Variants in ADGRA3 observed in about 807,000 individuals in gnomAD.
ADGRA3 encodes adhesion G protein-coupled receptor A3.
In ADGRA3, 56 loss-of-function variants were observed where a neutral mutation model predicts 119.8. That is an observed-to-expected ratio of 0.47 (90% CI 0.38 to 0.58). ADGRA3 has a LOEUF of 0.58. Among genes scored for constraint, ADGRA3 ranks in the 20% least tolerant of loss-of-function variants. The pLI is 0.00. For synonymous variants in ADGRA3, 607 were observed against 623.8 expected, an observed-to-expected ratio of 0.97 and a Z score of 0.40; for missense variants, 1,516 against 1,649.0, an observed-to-expected ratio of 0.92 and a Z score of 1.40.
At chr4:22,421,995 G>T (rs1022530767) in intron 11 of ADGRA3, among the ~76,000 whole-genome samples, 11 of 151,066 alleles carry the variant, frequency 7.3e-5, no homozygotes, top group Non-Finnish European at 1.3e-4. Flanking sequence ...AGTTTTAAAG[G>T]AATTCAGGAA....
intron 2 of ADGRA3, among the ~76,000 whole-genome samples, chr4:22,469,179 G>T (rs144520442): frequency 5.6e-4 from 85 of 152,178 alleles, no homozygotes; most frequent in Non-Finnish European, 1.2e-3. Context: ...AGGTGTCCCT[G>T]CACACTCTAC....
Position 22,424,202 on chromosome 4 carries a change from C to T in ADGRA3, c.1594G>A (p.Val532Ile), listed in dbSNP as rs564893051. Residue 532 changes from valine (V) to isoleucine (I), a missense_variant, in exon 11 of 19, where the codon GTT becomes ATT. Coordinates refer to ENST00000334304, the MANE Select transcript of ADGRA3 (RefSeq NM_145290.4). ...AATGTTACACTTACTGTTGAATAAA[C>T]GTGAGCTCCACCGGCTAGCCGGTAG... The part of the protein sequence containing the change: ...ATYRLAGGAH[V>I]YSTYSPNIAL... The T allele has an allele frequency of 1.4e-5, 22 of 1,610,068 alleles. No homozygotes were observed. The highest frequency in any genetic ancestry group is 5.0e-5 in the Admixed American group (3 of 59,732).
At chr4:22,410,707 A>T (rs532613971) in intron 14 of ADGRA3, among the ~76,000 whole-genome samples, 1 of 152,258 alleles carries the variant, frequency 6.6e-6, no homozygotes, top group South Asian at 2.1e-4. Flanking sequence ...TCAATCCTAA[A>T]CATAACTTTA....
chr4:22,413,254 G>A lies in ADGRA3; in HGVS notation c.2160C>T (p.Cys720=). Residue 720 remains cysteine, a synonymous_variant, in exon 14 of 19, where the codon TGC becomes TGT. Transcript: ENST00000334304. ...NGQGGWKSDG[C]HILYSDENIT... The stretch of plus-strand genomic sequence containing the variant: ...TATTTTCATCTGAATAGAGTATATG[G>A]CACCCATCTGACTTCCAGCCTCCTT... The A allele has an allele frequency of 6.2e-7, 1 of 1,613,984 alleles. No individual in the cohort carries two copies. Among genetic ancestry groups the A allele is most frequent in the Non-Finnish European group, 8.5e-7 (1 of 1,179,914 alleles).
intron 1 of ADGRA3, among the ~76,000 whole-genome samples, chr4:22,498,382 G>A (rs1244151656): frequency 6.6e-6 from 1 of 152,168 alleles, no homozygotes; most frequent in Non-Finnish European, 1.5e-5. Context: ...ACTTTGGGAG[G>A]CCAAGTTGGG....
intron 7 of ADGRA3, among the ~76,000 whole-genome samples, chr4:22,440,565 G>C (rs1716572123): frequency 6.6e-6 from 1 of 151,924 alleles, no homozygotes; most frequent in Admixed American, 6.6e-5. Context: ...AAAAATGTTA[G>C]GTTAACTTGT....
intron 1 of ADGRA3, among the ~76,000 whole-genome samples, chr4:22,510,000 A>C (rs1577392368): frequency 2.0e-5 from 2 of 101,668 alleles, no homozygotes; most frequent in African/African-American, 4.2e-5. Context: ...ACAGAGCGAG[A>C]CTCCGTCTCA....
chr4:22,460,919 G>A (rs1012299653), intron 3 of ADGRA3, among the ~76,000 whole-genome samples: 1 of 152,230 alleles, frequency 6.6e-6, no homozygotes, highest in African/African-American at 2.4e-5. Context: ...CAGTCCTCAT[G>A]GCTTTTGTGT....
intron 18 of ADGRA3, 26 bp from the exon 19 acceptor site, chr4:22,388,973 T>A (rs751249171): frequency 1.9e-6 from 3 of 1,610,334 alleles, no homozygotes; most frequent in South Asian, 2.2e-5. Flanking sequence ...GTAAACCAGA[T>A]CGATGCTACA....
At chr4:22,492,515 G>C (rs542016663) in intron 1 of ADGRA3, among the ~76,000 whole-genome samples, 9 of 152,274 alleles carry the variant, frequency 5.9e-5, no homozygotes, top group African/African-American at 1.9e-4. Flanking sequence ...AAAATAAAGA[G>C]TCCTGCCCTT....
chr4:22,455,702 A>T (rs1430773561), intron 3 of ADGRA3: 1 of 545,406 alleles, frequency 1.8e-6, no homozygotes, highest in African/African-American at 1.9e-5. Context: ...CTTGACATCA[A>T]GGACAATGAA....
intron 12 of ADGRA3, among the ~76,000 whole-genome samples, chr4:22,417,516 A>C (rs1715477291): frequency 6.6e-6 from 1 of 152,200 alleles, no homozygotes; most frequent in African/African-American, 2.4e-5. Flanking sequence ...CATAATCTGC[A>C]TAACAGCCGA....
chr4:22,396,974 C>A (rs539198725), intron 16 of ADGRA3, among the ~76,000 whole-genome samples: 1 of 152,078 alleles, frequency 6.6e-6, no homozygotes, highest in African/African-American at 2.4e-5. Flanking sequence ...TACTTTTAGA[C>A]ACAATGAAGA....
chr4:22,413,286 T>G lies in ADGRA3; in HGVS notation c.2128A>C (p.Asn710His). 1 of 1,614,090 alleles carries G rather than the reference T, an allele frequency of 6.2e-7. No homozygotes were observed. Among genetic ancestry groups the G allele is most frequent in the Non-Finnish European group, 8.5e-7 (1 of 1,179,982 alleles). ...VAARWDFDLL[N>H]GQGGWKSDGC... is the part of the protein sequence containing the mutation. ...TCTGACTTCCAGCCTCCTTGTCCGT[T>G]CAGCAAATCGAAATCCCACCGGGCT... The change falls in exon 14 of 19, where the codon AAC becomes CAC. Residue 710 changes from asparagine (N) to histidine (H), a missense_variant. Around this residue, in one of 2 missense-constraint regions of ADGRA3, gnomAD observed 1,088 missense variants for 1,107.1 expected, o/e 0.98. Coordinates refer to ENST00000334304, the MANE Select transcript of ADGRA3 (RefSeq NM_145290.4).
chr4:22,473,247 C>T (rs1196684398), intron 2 of ADGRA3: 2 of 152,210 alleles, frequency 1.3e-5, no homozygotes, highest in African/African-American at 4.8e-5. Context: ...GAATCGTAAA[C>T]CAATTAAACT....
In ADGRA3 at chr4:22,388,923, G is replaced by A. The variant is rs2108989962; in HGVS notation, c.2748C>T (p.Ser916=). ...TGGCTGGCCCATAGAAGGCTCCCAA[G>A]GAGGGTTCCCATGCCATCCAGCAAC... ...APYCWMAWEP[S]LGAFYGPASF... The change falls in exon 19 of 19, where the codon TCC becomes TCT. Residue 916 remains serine, a synonymous_variant. Transcript: ENST00000334304. 6.2e-7 allele frequency: 1 copy of A among 1,613,860 alleles called. No homozygotes were observed. Among genetic ancestry groups the A allele is most frequent in the East Asian group, 2.2e-5 (1 of 44,858 alleles).
Position 22,388,631 on chromosome 4 carries a change from C to T in ADGRA3, c.3040G>A (p.Ala1014Thr), listed in dbSNP as rs781545499. ...GGGTAATACAAAGAAACAGCCAAAG[C>T]CCCAAACATCCACAGTGCAACATAT... is the stretch of plus-strand genomic sequence containing the variant. ...LLYVALWMFG[A>T]LAVSLYYPLD... Residue 1014 changes from alanine to threonine, a missense_variant, in exon 19 of 19, where the codon GCT (alanine) becomes ACT (threonine). Ala to Thr is a moderately conservative substitution (Grantham distance 58, BLOSUM62 0). Coordinates refer to ENST00000334304, the MANE Select transcript of ADGRA3 (RefSeq NM_145290.4). 1 of 1,613,976 alleles carries T rather than the reference C, an allele frequency of 6.2e-7. No homozygotes were observed. Among genetic ancestry groups the T allele is most frequent in the Non-Finnish European group, 8.5e-7 (1 of 1,179,984 alleles).
intron 1 of ADGRA3, among the ~76,000 whole-genome samples, chr4:22,493,954 C>G (rs1305474988): frequency 6.6e-6 from 1 of 152,074 alleles, no homozygotes; most frequent in Non-Finnish European, 1.5e-5. Flanking sequence ...CCTATAATCC[C>G]AGCACTTTGG....
chr4:22,429,454 G>A (rs190122085), intron 10 of ADGRA3, among the ~76,000 whole-genome samples: 5 of 152,288 alleles, frequency 3.3e-5, no homozygotes, highest in East Asian at 3.9e-4. Context: ...TGATGACCAC[G>A]AGGTATGTTT....
Sources: allele counts gnomAD v4.1 joint callset (sites outside exome capture counted in the v4.1 genomes callset), GRCh38; gene constraint gnomAD v4.1.1; regional missense constraint gnomAD v4.1.1; transcripts MANE v1.5; gene names NCBI Gene and HGNC (gene_info 2026-07-23, HGNC 2026-07-21).